PTPN1: variants seen among roughly 807,000 people sequenced by gnomAD.
PTPN1 encodes the protein tyrosine-protein phosphatase non-receptor type 1.
PTPN1 carries 12 observed loss-of-function variants against 59.9 expected under a neutral mutation model. The ratio of observed to expected loss-of-function variants is 0.20; its 90% CI spans 0.13 to 0.32. PTPN1 has a LOEUF of 0.32. Ranked by LOEUF, PTPN1 falls within the 10% of genes least tolerant of loss-of-function variation. The pLI is 1.00. For missense variants in PTPN1, 356 were observed against 549.2 expected (o/e 0.65, Z 3.52); for synonymous variants, 178 against 203.6 (o/e 0.87, Z 1.07).
chr20:50,520,419 A>G (rs914312443), intron 1 of PTPN1, among the ~76,000 whole-genome samples: 3 of 151,968 alleles, frequency 2.0e-5, no homozygotes, highest in Admixed American at 2.0e-4. Flanking sequence ...TGACACTTCT[A>G]CTTTTCCAGC....
chr20:50,575,736 G>A (rs1390421927), intron 5 of PTPN1, among the ~76,000 whole-genome samples: 1 of 152,092 alleles, frequency 6.6e-6, no homozygotes, highest in African/African-American at 2.4e-5. Flanking sequence ...ACCAGCTTGG[G>A]CAACATAGTG....
intron 1 of PTPN1, among the ~76,000 whole-genome samples, chr20:50,511,677 T>G (rs145346076): frequency 5.6e-4 from 86 of 152,282 alleles, no homozygotes; most frequent in African/African-American, 2.0e-3. Context: ...CACAAAGAGC[T>G]CTTCCTTTCA....
intron 1 of PTPN1, among the ~76,000 whole-genome samples, chr20:50,538,446 G>A (rs1459800774): frequency 6.6e-6 from 1 of 152,164 alleles, no homozygotes; most frequent in Non-Finnish European, 1.5e-5. Flanking sequence ...AAACTAGTTA[G>A]GTGTGACTGT....
Position 50,574,511 on chromosome 20 carries a change from C to A in PTPN1, c.355-6C>A. 1 of 1,580,078 alleles carries A rather than the reference C, an allele frequency of 6.3e-7. No homozygotes were observed. Among genetic ancestry groups the A allele is most frequent in the Non-Finnish European group, 8.6e-7 (1 of 1,169,314 alleles). On this transcript the variant is annotated splice_region_variant and splice_polypyrimidine_tract_variant and intron_variant, in intron 4 of 9. Coordinates refer to ENST00000371621, the MANE Select transcript of PTPN1 (RefSeq NM_002827.4). Reference sequence around the variant, plus strand: ...CACAATAATTCACTATTATTTGTTTCCCCAGTTAAAATGCGCACAATACTG... The same window carrying A: ...CACAATAATTCACTATTATTTGTTTACCCAGTTAAAATGCGCACAATACTG...
At chr20:50,535,462 T>C (rs117517602) in intron 1 of PTPN1, among the ~76,000 whole-genome samples, 7,617 of 152,208 alleles carry the variant, frequency 0.05, 274 homozygotes, top group Non-Finnish European at 0.076. Flanking sequence ...ATCCCCTCTT[T>C]TTTGTAGTAT....
At chr20:50,578,940 C>G (rs7266728) in intron 6 of PTPN1, among the ~76,000 whole-genome samples, 1 of 152,044 alleles carries the variant, frequency 6.6e-6, no homozygotes, top group Admixed American at 6.5e-5. Flanking sequence ...GGGGGAGGTC[C>G]CAGACTCTTA....
intron 1 of PTPN1, among the ~76,000 whole-genome samples, chr20:50,512,127 A>G (rs1249912769): frequency 4.6e-5 from 7 of 152,264 alleles, no homozygotes; most frequent in African/African-American, 9.6e-5. Flanking sequence ...TGATCAGTAT[A>G]TAAAATTTGT....
intron 7 of PTPN1, among the ~76,000 whole-genome samples, 163 bp from the exon 8 acceptor site, chr20:50,579,540 C>T (rs542448395): frequency 2.6e-5 from 4 of 152,332 alleles, no homozygotes; most frequent in Non-Finnish European, 4.4e-5. Flanking sequence ...GATAGGAAGA[C>T]GAGACTTTAT....
intron 1 of PTPN1, among the ~76,000 whole-genome samples, chr20:50,531,067 C>T (rs995297559): frequency 1.3e-5 from 2 of 152,070 alleles, no homozygotes; most frequent in African/African-American, 4.8e-5. Flanking sequence ...AGACCTGGGA[C>T]CTGAAGGGAA....
chr20:50,557,426 A>T (rs997237966), intron 1 of PTPN1, among the ~76,000 whole-genome samples: 7 of 152,284 alleles, frequency 4.6e-5, no homozygotes, highest in African/African-American at 1.7e-4. Flanking sequence ...TTGATACATT[A>T]TTCGAGACCA....
At chr20:50,510,703 T>A in intron 1 of PTPN1, 113 bp downstream of exon 1, 2 of 1,124,136 alleles carry the variant, frequency 1.8e-6, no homozygotes, top group Non-Finnish European at 1.2e-6. Flanking sequence ...TCGCTCCTAC[T>A]GCTTGAGGAT....
At chr20:50,545,209 G>GC (rs1568783455) in intron 1 of PTPN1, among the ~76,000 whole-genome samples, 1 of 151,996 alleles carries the variant, frequency 6.6e-6, no homozygotes, top group Non-Finnish European at 1.5e-5. Context: ...TTCTACGTCA[G>GC]CCCCCCAAAG....
chr20:50,554,747 C>T (rs2082718864), intron 1 of PTPN1, among the ~76,000 whole-genome samples: 1 of 151,954 alleles, frequency 6.6e-6, no homozygotes. Context: ...AGTAGACCAT[C>T]GTGAATTCGA....
At chr20:50,570,609 T>A (rs1174607737) in intron 4 of PTPN1, among the ~76,000 whole-genome samples, 1 of 152,214 alleles carries the variant, frequency 6.6e-6, no homozygotes, top group Non-Finnish European at 1.5e-5. Context: ...CAGCACACAC[T>A]GTCTTAGAGG....
chr20:50,555,384 G>A (rs375309267), intron 1 of PTPN1, among the ~76,000 whole-genome samples: 4 of 152,182 alleles, frequency 2.6e-5, no homozygotes, highest in Non-Finnish European at 5.9e-5. Flanking sequence ...TGGCAGTAGC[G>A]GGGTGGGAGT....
chr20:50,515,804 G>A (rs1601383860), intron 1 of PTPN1, among the ~76,000 whole-genome samples: 1 of 152,304 alleles, frequency 6.6e-6, no homozygotes, highest in East Asian at 1.9e-4. Flanking sequence ...CTCTAGGGGG[G>A]CAATGATGGA....
At chr20:50,521,747 A>G (rs927226044) in intron 1 of PTPN1, among the ~76,000 whole-genome samples, 1 of 152,234 alleles carries the variant, frequency 6.6e-6, no homozygotes, top group Non-Finnish European at 1.5e-5. Context: ...CATTGTTTAT[A>G]AATGAATCAG....
intron 1 of PTPN1, among the ~76,000 whole-genome samples, chr20:50,559,683 A>G (rs2082742899): frequency 6.6e-6 from 1 of 151,312 alleles, no homozygotes; most frequent in Non-Finnish European, 1.5e-5. Context: ...TCTTCTACTT[A>G]TATTTGATTC....
At chr20:50,525,775 T>G (rs905300549) in intron 1 of PTPN1, among the ~76,000 whole-genome samples, 2 of 152,304 alleles carry the variant, frequency 1.3e-5, no homozygotes, top group South Asian at 4.1e-4. Context: ...TCTTTCTTGT[T>G]TTCTTTTGGA....
Sources: gnomAD v4.1 joint callset for allele counts (sites outside exome capture counted in the v4.1 genomes callset) on GRCh38, gnomAD v4.1.1 for gene constraint, MANE v1.5 for transcripts, NCBI Gene and HGNC (gene_info 2026-07-23, HGNC 2026-07-21) for gene names.